Variants in ADAMTS12 observed in about 807,000 individuals in gnomAD.
The protein encoded by ADAMTS12 is A disintegrin and metalloproteinase with thrombospondin motifs 12.
Under a neutral mutation model 167.8 loss-of-function variants are expected in ADAMTS12, and 118 were observed. That is an observed-to-expected ratio of 0.70 (90% CI 0.61 to 0.82). The LOEUF (loss-of-function observed/expected upper bound fraction) is 0.82. Among genes scored for constraint, ADAMTS12 ranks in the 40% least tolerant of loss-of-function variants. ADAMTS12 has a pLI of 0.00. For missense variants in ADAMTS12, 1,916 were observed against 1,998.8 expected (o/e 0.96, Z 0.79); for synonymous variants, 704 against 716.9 (o/e 0.98, Z 0.29).
chr5:33,754,692 C>A (rs1036291738), intron 2 of ADAMTS12, among the ~76,000 whole-genome samples: 8 of 152,086 alleles, frequency 5.3e-5, no homozygotes, highest in African/African-American at 1.7e-4. Flanking sequence ...CCTGTCTCCA[C>A]TAAAACTACA....
At chr5:33,617,253 A>T (rs1739070059) in intron 14 of ADAMTS12, among the ~76,000 whole-genome samples, 2 of 151,618 alleles carry the variant, frequency 1.3e-5, no homozygotes, top group South Asian at 4.2e-4. Context: ...CAGTTTTAAG[A>T]CATTGATGAT....
intron 2 of ADAMTS12, among the ~76,000 whole-genome samples, chr5:33,878,578 A>C (rs1750313988): frequency 1.3e-5 from 2 of 152,210 alleles, no homozygotes; most frequent in African/African-American, 4.8e-5. Context: ...TAGAAAGCAC[A>C]AGATGAAAAT....
chr5:33,575,240 T>C (rs1201595654), intron 19 of ADAMTS12, among the ~76,000 whole-genome samples: 1 of 152,268 alleles, frequency 6.6e-6, no homozygotes, highest in Admixed American at 6.5e-5. Flanking sequence ...ACAATTGTTT[T>C]AACAAGTTTT....
intron 2 of ADAMTS12, among the ~76,000 whole-genome samples, chr5:33,846,100 T>C (rs1227022004): frequency 6.6e-6 from 1 of 152,116 alleles, no homozygotes; most frequent in African/African-American, 2.4e-5. Flanking sequence ...ATGTGCACAA[T>C]CTGAATCAAA....
At position 33,577,168 on chromosome 5, in the gene ADAMTS12, A is replaced by T; in HGVS notation, c.2866-8T>A. 1.2e-6 allele frequency: 2 copies of T among 1,614,084 alleles called. No individual in the cohort carries two copies. Among genetic ancestry groups the T allele is most frequent in the Non-Finnish European group, 1.7e-6 (2 of 1,180,004 alleles). On this transcript the variant is annotated splice_region_variant and splice_polypyrimidine_tract_variant and intron_variant, in intron 18 of 23. Transcript: ENST00000504830. ...ACCACAGGAAACAGAACACTAGAAG[A>T]GAGAAACAGCTGTTAGCCTGGCGAG...
intron 22 of ADAMTS12, among the ~76,000 whole-genome samples, chr5:33,540,853 T>C (rs1744659761): frequency 6.6e-6 from 1 of 152,152 alleles, no homozygotes; most frequent in Admixed American, 6.5e-5. Context: ...AAGACCAAAA[T>C]AGGTAAAACC....
chr5:33,664,165 A>G (rs1207089459), intron 5 of ADAMTS12, among the ~76,000 whole-genome samples: 1 of 152,222 alleles, frequency 6.6e-6, no homozygotes, highest in Non-Finnish European at 1.5e-5. Flanking sequence ...TCATTCTAAA[A>G]TTTATATCAA....
chr5:33,599,241 G>A (rs1034631482), intron 16 of ADAMTS12, among the ~76,000 whole-genome samples: 1 of 152,114 alleles, frequency 6.6e-6, no homozygotes, highest in African/African-American at 2.4e-5. Flanking sequence ...CTAATTTAAG[G>A]GTGCTTTGTT....
intron 11 of ADAMTS12, among the ~76,000 whole-genome samples, chr5:33,638,575 G>A (rs950678620): frequency 6.6e-6 from 1 of 152,130 alleles, no homozygotes; most frequent in East Asian, 1.9e-4. Context: ...CTAAATAAAT[G>A]CTACCTCCTT....
At chr5:33,534,075 C>A (rs1356942849) in intron 23 of ADAMTS12, among the ~76,000 whole-genome samples, 1 of 152,172 alleles carries the variant, frequency 6.6e-6, no homozygotes, top group East Asian at 1.9e-4. Flanking sequence ...CATTATAGGT[C>A]ATAGCTGAAC....
intron 3 of ADAMTS12, among the ~76,000 whole-genome samples, chr5:33,735,244 C>T (rs1297010951): frequency 6.6e-6 from 1 of 152,100 alleles, no homozygotes. Flanking sequence ...TGTGCCCCAC[C>T]CTAGGGTTTT....
At chr5:33,719,922 G>A (rs1743747966) in intron 3 of ADAMTS12, among the ~76,000 whole-genome samples, 2 of 152,142 alleles carry the variant, frequency 1.3e-5, no homozygotes, top group South Asian at 4.1e-4. Context: ...CTTGGTGGGG[G>A]TTGCTAGGGG....
At chr5:33,838,686 G>GA (rs1748624285) in intron 2 of ADAMTS12, among the ~76,000 whole-genome samples, 1 of 151,740 alleles carries the variant, frequency 6.6e-6, no homozygotes, top group Non-Finnish European at 1.5e-5. Flanking sequence ...TGTCACAGAC[G>GA]AAAAAAAGAA....
chr5:33,556,105 G>A (rs1745479048), intron 20 of ADAMTS12, among the ~76,000 whole-genome samples: 1 of 152,212 alleles, frequency 6.6e-6, no homozygotes, highest in Non-Finnish European at 1.5e-5. Context: ...AGAGTTCATT[G>A]CACACATTTT....
intron 2 of ADAMTS12, among the ~76,000 whole-genome samples, chr5:33,865,555 A>T (rs1329488732): frequency 6.6e-6 from 1 of 152,144 alleles, no homozygotes; most frequent in African/African-American, 2.4e-5. Flanking sequence ...TGAGAAATGG[A>T]ACAAGACAAG....
At chr5:33,757,347 T>G (rs1442115958) in intron 2 of ADAMTS12, among the ~76,000 whole-genome samples, 1 of 152,116 alleles carries the variant, frequency 6.6e-6, no homozygotes, top group African/African-American at 2.4e-5. Context: ...TGGGAATAAA[T>G]GTAACAGGAT....
At chr5:33,700,517 T>C (rs948168640) in intron 3 of ADAMTS12, among the ~76,000 whole-genome samples, 2 of 152,078 alleles carry the variant, frequency 1.3e-5, no homozygotes, top group South Asian at 4.2e-4. Context: ...TTGCCAAGGG[T>C]TAGGATGGAG....
At chr5:33,627,986 G>GC (rs1160934593) in intron 13 of ADAMTS12, among the ~76,000 whole-genome samples, 1 of 152,148 alleles carries the variant, frequency 6.6e-6, no homozygotes, top group African/African-American at 2.4e-5. Context: ...TTTAAGGAGT[G>GC]CACAGTAGGC....
At chr5:33,642,250 T>C (rs541638133) in intron 10 of ADAMTS12, among the ~76,000 whole-genome samples, 34 of 152,326 alleles carry the variant, frequency 2.2e-4, no homozygotes, top group Admixed American at 3.9e-4. Flanking sequence ...ACTTTTTTCA[T>C]TGAGAAAGTC....
Sources: allele counts gnomAD v4.1 joint callset (sites outside exome capture counted in the v4.1 genomes callset), GRCh38; gene constraint gnomAD v4.1.1; transcripts MANE v1.5; gene names NCBI Gene and HGNC (gene_info 2026-07-23, HGNC 2026-07-21).